Variants in PAPPA2 observed in about 807,000 individuals in gnomAD.
PAPPA2 encodes pappalysin 2.
Under a neutral mutation model 176.4 loss-of-function variants are expected in PAPPA2, and 86 were observed. The observed-to-expected ratio is 0.49, with a 90% CI of 0.41 to 0.58. The LOEUF (loss-of-function observed/expected upper bound fraction) is 0.58. PAPPA2 is among the 20% of genes least tolerant of loss of function. PAPPA2 has a pLI of 0.00. For synonymous variants in PAPPA2, 809 were observed against 852.2 expected (o/e 0.95, Z 0.88); for missense variants, 2,073 against 2,256.9 (o/e 0.92, Z 1.65).
chr1:176,788,907 C>G (rs145555793), intron 17 of PAPPA2, among the ~76,000 whole-genome samples: 1 of 152,322 alleles, frequency 6.6e-6, no homozygotes, highest in East Asian at 1.9e-4. Flanking sequence ...GCTGCACTTT[C>G]TCCCCTCTCT....
At chr1:176,577,727 G>A (rs1178138382) in intron 2 of PAPPA2, among the ~76,000 whole-genome samples, 1 of 151,960 alleles carries the variant, frequency 6.6e-6, no homozygotes, top group Non-Finnish European at 1.5e-5. Flanking sequence ...CGGGGTGTTG[G>A]ATAAGTAGTT....
intron 2 of PAPPA2, among the ~76,000 whole-genome samples, chr1:176,587,371 A>G (rs1038199470): frequency 3.3e-5 from 5 of 152,100 alleles, no homozygotes; most frequent in African/African-American, 9.7e-5. Flanking sequence ...GCCCATGCCT[A>G]TGTTCTGAAT....
chr1:176,815,282 G>C (rs1666328578), intron 21 of PAPPA2, among the ~76,000 whole-genome samples: 1 of 151,982 alleles, frequency 6.6e-6, no homozygotes, highest in Non-Finnish European at 1.5e-5. Flanking sequence ...TTAAATCTCA[G>C]CTCCACCCTT....
intron 21 of PAPPA2, among the ~76,000 whole-genome samples, chr1:176,836,987 A>C (rs2102989736): frequency 6.6e-6 from 1 of 152,300 alleles, no homozygotes; most frequent in South Asian, 2.1e-4. Context: ...ACAGGGCCAC[A>C]CTATCTCTAT....
chr1:176,497,605 A>C lies in PAPPA2; in HGVS notation c.-917+34187A>C, dbSNP rs374024580. Among the ~76,000 whole-genome samples, 255 of 152,196 alleles carry C rather than the reference A, an allele frequency of 1.7e-3. 10 individuals carry two copies. In the South Asian group the frequency reaches 0.049, roughly 29 times the overall value. The stretch of plus-strand genomic sequence containing the variant: ...TGAAGAAATTGAGAGTTTTCACACA[A>C]AAAAAAGGTTTTTGTGGCTCTTTTT... On this transcript the variant is annotated intron_variant, in intron 1 of 22. Coordinates refer to ENST00000367662, the MANE Select transcript of PAPPA2 (RefSeq NM_020318.3).
rs149881387 is a variant in PAPPA2 at position 176,570,231 on chromosome 1, G to A, written c.919+12990G>A. Among the ~76,000 whole-genome samples the A allele has an allele frequency of 1.1e-3, 167 of 152,292 alleles. 1 individual carries two copies. Among genetic ancestry groups the A allele is most frequent in the African/African-American group, 3.7e-3 (153 of 41,568 alleles). On this transcript the variant is annotated intron_variant, in intron 2 of 22. Coordinates refer to ENST00000367662, the MANE Select transcript of PAPPA2 (RefSeq NM_020318.3). ...CCAAGAAACTCTGCTTCCGTTCCAAGTCTCTCCAGCGTTTGCACCTTCTCC... is the reference window on the plus strand; with the variant it reads ...CCAAGAAACTCTGCTTCCGTTCCAAATCTCTCCAGCGTTTGCACCTTCTCC...
At chr1:176,687,410 T>C (rs1050838920) in intron 4 of PAPPA2, among the ~76,000 whole-genome samples, 1 of 152,164 alleles carries the variant, frequency 6.6e-6, no homozygotes, top group Non-Finnish European at 1.5e-5. Context: ...TATTGAAAGA[T>C]GGCTGTTGCA....
intron 3 of PAPPA2, among the ~76,000 whole-genome samples, chr1:176,631,713 G>T (rs1656349281): frequency 6.6e-6 from 1 of 152,106 alleles, no homozygotes; most frequent in Non-Finnish European, 1.5e-5. Context: ...GATGACAGCG[G>T]GTAAGAGTGA....
In PAPPA2 at chr1:176,486,817, T is replaced by C. The variant is rs1026668094; in HGVS notation, c.-917+23399T>C. On this transcript the variant is annotated intron_variant, in intron 1 of 22. Transcript: ENST00000367662. ...AGCATGAAAAAAAGCACACTTGAAG[T>C]TCAGGAGGTCTTGGAGAGCCCGTGA... 3.3e-5 allele frequency among the ~76,000 whole-genome samples: 5 copies of C among 152,196 alleles called. No homozygotes were observed. The East Asian group carries it at 5.8e-4, about 18-fold the overall frequency.
At chr1:176,704,441 G>A (rs1045404085) in intron 9 of PAPPA2, among the ~76,000 whole-genome samples, 30 of 152,192 alleles carry the variant, frequency 2.0e-4, no homozygotes, top group African/African-American at 7.0e-4. Context: ...AAACAAGCAC[G>A]ATGCAGGGCC....
chr1:176,525,438 G>A (rs980387006), intron 1 of PAPPA2, among the ~76,000 whole-genome samples: 1 of 152,158 alleles, frequency 6.6e-6, no homozygotes, highest in East Asian at 1.9e-4. Context: ...TTACAAAGAA[G>A]TTAAACAGGA....
At chr1:176,713,696 A>G (rs772005264) in intron 12 of PAPPA2, among the ~76,000 whole-genome samples, 26 of 152,268 alleles carry the variant, frequency 1.7e-4, no homozygotes, top group Non-Finnish European at 2.6e-4. Context: ...CCCAAAGACA[A>G]TCATGGAAGA....
At chr1:176,649,171 T>C (rs1657571230) in intron 3 of PAPPA2, among the ~76,000 whole-genome samples, 1 of 151,440 alleles carries the variant, frequency 6.6e-6, no homozygotes, top group Non-Finnish European at 1.5e-5. Flanking sequence ...GTAGGTTGTA[T>C]GTGTCCAGAA....
intron 12 of PAPPA2, among the ~76,000 whole-genome samples, chr1:176,733,926 G>A (rs1001207116): frequency 1.3e-5 from 2 of 151,896 alleles, no homozygotes; most frequent in African/African-American, 4.8e-5. Flanking sequence ...GTCCCACTCT[G>A]TATACCACTC....
Position 176,771,142 on chromosome 1 carries a change from G to A in PAPPA2, c.4677G>A (p.Gly1559=). 6.2e-7 allele frequency: 1 copy of A among 1,614,154 alleles called. No homozygotes were observed. The change falls in exon 17 of 23, where the codon GGG becomes GGA. Residue 1559 remains glycine (G), a synonymous_variant. Transcript: ENST00000367662. ...GTICKYECKP[G]YYVAESAEGK... ...TCTGCAAATATGAATGCAAACCAGG[G>A]TACTATGTGGCAGAAAGTGCAGAGG...
chr1:176,817,035 C>T (rs1227828548), intron 21 of PAPPA2, among the ~76,000 whole-genome samples: 1 of 151,936 alleles, frequency 6.6e-6, no homozygotes, highest in Non-Finnish European at 1.5e-5. Context: ...AAGCACAGAC[C>T]CCATCTCCTA....
intron 21 of PAPPA2, among the ~76,000 whole-genome samples, chr1:176,821,609 G>C (rs573156466): frequency 6.6e-6 from 1 of 152,146 alleles, no homozygotes. Flanking sequence ...AGAGTTTCAC[G>C]GTTAGCAGCT....
chr1:176,691,220 A>C (rs1660107117), intron 5 of PAPPA2: 1 of 959,288 alleles, frequency 1.0e-6, no homozygotes, highest in East Asian at 1.2e-4. Flanking sequence ...ATGGTGAAAG[A>C]AGATATTTTT....
At chr1:176,639,255 A>G (rs1364289237) in intron 3 of PAPPA2, among the ~76,000 whole-genome samples, 1 of 151,990 alleles carries the variant, frequency 6.6e-6, no homozygotes. Context: ...GAGTTAGGAT[A>G]AATGGAGACA....
Sources: allele counts gnomAD v4.1 joint callset (sites outside exome capture counted in the v4.1 genomes callset), GRCh38; gene constraint gnomAD v4.1.1; transcripts MANE v1.5; gene names NCBI Gene and HGNC (gene_info 2026-07-23, HGNC 2026-07-21).